Variants in SLC24A2 observed in about 807,000 individuals in gnomAD.
The protein encoded by SLC24A2 is sodium/potassium/calcium exchanger 2.
In SLC24A2, 36 loss-of-function variants were observed where a neutral mutation model predicts 62.0. The observed-to-expected ratio is 0.58, with a 90% confidence interval of 0.44 to 0.77. The LOEUF (loss-of-function observed/expected upper bound fraction) is 0.77, where lower values mean the gene tolerates loss of function less well. Ranked by LOEUF, SLC24A2 falls within the 30% of genes least tolerant of loss-of-function variation. SLC24A2 has a pLI of 0.00. For synonymous variants in SLC24A2, 358 were observed against 294.0 expected, an observed-to-expected ratio of 1.22 and a Z score of -2.23; for missense variants, 846 against 817.9, an observed-to-expected ratio of 1.03 and a Z score of -0.42.
the SLC24A2 span, among the ~76,000 whole-genome samples, chr9:19,989,658 T>C: frequency 6.6e-6 from 1 of 152,216 alleles, no homozygotes; most frequent in Non-Finnish European, 1.5e-5. Context: ...CTGATCCCTC[T>C]GTCAACTAAG....
At chr9:19,682,102 G>C (rs1819739566) in intron 2 of SLC24A2, among the ~76,000 whole-genome samples, 1 of 152,100 alleles carries the variant, frequency 6.6e-6, no homozygotes, top group African/African-American at 2.4e-5. Flanking sequence ...CTGGGACCTA[G>C]AGAGCCTCTG....
chr9:19,687,462 C>A (rs376503097), intron 2 of SLC24A2, among the ~76,000 whole-genome samples: 2 of 152,060 alleles, frequency 1.3e-5, no homozygotes, highest in South Asian at 2.1e-4. Context: ...AGCAAACAGA[C>A]AAATTCCTTT....
At chr9:19,980,998 G>T in the SLC24A2 span, among the ~76,000 whole-genome samples, 10 of 152,140 alleles carry the variant, frequency 6.6e-5, no homozygotes, top group Non-Finnish European at 1.5e-4. Context: ...CCCCAAGAGG[G>T]TAACACTTGT....
chr9:20,035,411 C>T, the SLC24A2 span, among the ~76,000 whole-genome samples: 1 of 152,044 alleles, frequency 6.6e-6, no homozygotes, highest in Admixed American at 6.6e-5. Flanking sequence ...AAGAATATGC[C>T]AGTTCCTGAA....
chr9:19,636,315 T>TTCCTTTCTTTCTTTCTTTC, intron 2 of SLC24A2, among the ~76,000 whole-genome samples: 1 of 40,328 alleles, frequency 2.5e-5, no homozygotes, highest in Non-Finnish European at 4.7e-5. Flanking sequence ...TTTTCTTTTC[T>TTCCTTTCTTTCTTTCTTTC]TTTCTTTCTT....
rs927563521 is a variant in SLC24A2 at position 19,514,413 on chromosome 9, C to T, written c.*1740G>A. On this transcript the variant is annotated 3_prime_UTR_variant, in exon 11 of 11. Coordinates refer to ENST00000341998, the MANE Select transcript of SLC24A2 (RefSeq NM_020344.4). ...CGTAGGATGGGTACAGAATAATGAA[C>T]CATCCTTGATTCAATTTTTCAACTG... is the stretch of plus-strand genomic sequence containing the variant. 1 of 152,118 alleles carries T rather than the reference C, an allele frequency of 6.6e-6. No homozygotes were observed. Among genetic ancestry groups the T allele is most frequent in the African/African-American group, 2.4e-5 (1 of 41,410 alleles). The allele number at this position is 152,118 out of a possible 1,614,324, so 9.4% of individuals were successfully genotyped here. A position where few individuals can be genotyped will look rare whatever the true frequency, so the allele number is the denominator to read the frequency against.
chr9:20,268,853 T>A, the SLC24A2 span, among the ~76,000 whole-genome samples: 1 of 152,184 alleles, frequency 6.6e-6, no homozygotes, highest in African/African-American at 2.4e-5. Context: ...ATAAATGGTA[T>A]GTGTGTGGAG....
intron 8 of SLC24A2, among the ~76,000 whole-genome samples, chr9:19,545,151 G>C (rs1420815462): frequency 1.3e-5 from 2 of 151,516 alleles, no homozygotes; most frequent in African/African-American, 4.9e-5. Flanking sequence ...CTCTAATCTT[G>C]TCTTCTCACT....
the SLC24A2 span, among the ~76,000 whole-genome samples, chr9:20,011,240 T>C: frequency 3.3e-5 from 5 of 152,146 alleles, no homozygotes; most frequent in Non-Finnish European, 1.5e-5. Context: ...TGTAAAAGTG[T>C]TCCCATTTCT....
At chr9:20,166,474 C>G in the SLC24A2 span, among the ~76,000 whole-genome samples, 1 of 151,794 alleles carries the variant, frequency 6.6e-6, no homozygotes, top group African/African-American at 2.4e-5. Flanking sequence ...AACTGTAAAA[C>G]AGAGGGAGAA....
chr9:20,027,244 G>A, the SLC24A2 span, among the ~76,000 whole-genome samples: 1 of 152,044 alleles, frequency 6.6e-6, no homozygotes, highest in African/African-American at 2.4e-5. Context: ...CAGTAGGGAA[G>A]TTTCCCCAAT....
the SLC24A2 span, among the ~76,000 whole-genome samples, chr9:19,833,518 G>A: frequency 2.6e-5 from 4 of 152,236 alleles, no homozygotes; most frequent in African/African-American, 4.8e-5. Flanking sequence ...AGGTGGCAGC[G>A]AGGCTGGGGG....
chr9:19,573,365 C>T lies in SLC24A2; in HGVS notation c.1333G>A (p.Gly445Ser). Residue 445 changes from glycine to serine, a missense_variant, in exon 7 of 11, where the codon GGT (glycine) becomes AGT (serine). Coordinates refer to ENST00000341998, the MANE Select transcript of SLC24A2 (RefSeq NM_020344.4). ...AAAAGCCATACCTGGGCTTCTGCAC[C>T]TTCAATGTTGTGGGAGAGATTTCCA... ...QNGNLSHNIE[G>S]AEAQTADEEE... 1 of 1,610,588 alleles carries T rather than the reference C, an allele frequency of 6.2e-7. No individual in the cohort carries two copies. Among genetic ancestry groups the T allele is most frequent in the Non-Finnish European group, 8.5e-7 (1 of 1,176,918 alleles).
chr9:20,103,267 C>T, the SLC24A2 span, among the ~76,000 whole-genome samples: 3 of 152,206 alleles, frequency 2.0e-5, no homozygotes, highest in Non-Finnish European at 1.5e-5. Context: ...CCTCTGGGGG[C>T]AGGGCACAGA....
the SLC24A2 span, among the ~76,000 whole-genome samples, chr9:20,063,123 A>C: frequency 0.4 from 40,176 of 99,608 alleles, 9,474 homozygotes; most frequent in East Asian, 0.66. Flanking sequence ...ACCATTTGAC[A>C]CAGCCATCCC....
chr9:20,242,746 A>G, the SLC24A2 span, among the ~76,000 whole-genome samples: 3 of 152,368 alleles, frequency 2.0e-5, no homozygotes, highest in East Asian at 3.9e-4. Context: ...GAGCTTAGCT[A>G]AAGTGGAAGG....
At chr9:20,278,769 T>C in the SLC24A2 span, among the ~76,000 whole-genome samples, 1 of 152,214 alleles carries the variant, frequency 6.6e-6, no homozygotes, top group African/African-American at 2.4e-5. Flanking sequence ...CTCCAACCTT[T>C]ACCTGCCCAG....
intron 2 of SLC24A2, among the ~76,000 whole-genome samples, chr9:19,710,642 T>G (rs1332847700): frequency 1.3e-5 from 2 of 152,062 alleles, no homozygotes; most frequent in Non-Finnish European, 2.9e-5. Context: ...GAAAATGATA[T>G]GAGGGATCTG....
chr9:20,099,255 G>A, the SLC24A2 span, among the ~76,000 whole-genome samples: 2 of 152,154 alleles, frequency 1.3e-5, no homozygotes, highest in Non-Finnish European at 2.9e-5. Flanking sequence ...CCAGAGATAG[G>A]AGAAAGTACT....
Sources: allele counts gnomAD v4.1 joint callset (sites outside exome capture counted in the v4.1 genomes callset), GRCh38; gene constraint gnomAD v4.1.1; transcripts MANE v1.5; gene names NCBI Gene and HGNC (gene_info 2026-07-23, HGNC 2026-07-21).